The following SS18 variants were observed in gnomAD, a reference collection of about 807,000 sequenced individuals.
The protein encoded by SS18 is SS18 subunit of BAF chromatin remodeling complex.
Under a neutral mutation model 72.5 loss-of-function variants are expected in SS18, and 28 were observed. The ratio of observed to expected loss-of-function variants is 0.39; its 90% CI spans 0.29 to 0.53. The LOEUF (loss-of-function observed/expected upper bound fraction) is 0.53. SS18 is among the 20% of genes least tolerant of loss of function. SS18 has a pLI of 0.76. For missense variants in SS18, 518 were observed against 535.3 expected (o/e 0.97, Z 0.32); for synonymous variants, 172 against 164.2 (o/e 1.05, Z -0.37).
intron 5 of SS18, among the ~76,000 whole-genome samples, chr18:26,040,651 A>C (rs2053707083): frequency 6.6e-6 from 1 of 152,240 alleles, no homozygotes; most frequent in African/African-American, 2.4e-5. Flanking sequence ...CAATGATGTA[A>C]GCAGAAAGAC....
intron 3 of SS18, among the ~76,000 whole-genome samples, chr18:26,061,147 A>T (rs956452665): frequency 2.6e-5 from 4 of 152,256 alleles, no homozygotes; most frequent in Admixed American, 1.3e-4. Flanking sequence ...CCCTGTCTCT[A>T]CTAAAAATAC....
At chr18:26,082,114 A>T (rs1215972514) in intron 2 of SS18, among the ~76,000 whole-genome samples, 1 of 152,144 alleles carries the variant, frequency 6.6e-6, no homozygotes, top group Non-Finnish European at 1.5e-5. Flanking sequence ...AAAGGAGTAT[A>T]TAAGCTAAGG....
At chr18:26,049,013 C>T (rs1169852809) in intron 5 of SS18, among the ~76,000 whole-genome samples, 2 of 152,192 alleles carry the variant, frequency 1.3e-5, no homozygotes, top group African/African-American at 4.8e-5. Flanking sequence ...AAAGGTCCCA[C>T]ATACAGTAAG....
At chr18:26,029,847 G>A (rs1030722001) in intron 10 of SS18, among the ~76,000 whole-genome samples, 4 of 152,112 alleles carry the variant, frequency 2.6e-5, no homozygotes, top group African/African-American at 9.7e-5. Flanking sequence ...AGGTCTTTGG[G>A]TGGGGGCTAA....
chr18:26,044,536 T>C (rs1468101299), intron 5 of SS18, among the ~76,000 whole-genome samples: 1 of 151,566 alleles, frequency 6.6e-6, no homozygotes, highest in African/African-American at 2.4e-5. Flanking sequence ...GTTGGCCAGG[T>C]TGGTCTCAAA....
At chr18:26,039,168 C>CAAAAAA (rs34318951) in intron 6 of SS18, 121 bp downstream of exon 6, 8 of 251,654 alleles carry the variant, frequency 3.2e-5, no homozygotes, top group Admixed American at 6.5e-5. Flanking sequence ...TACCTTTTGT[C>CAAAAAA]AAAAAAAAAA....
intron 5 of SS18, among the ~76,000 whole-genome samples, chr18:26,041,569 A>T (rs552520672): frequency 1.3e-5 from 2 of 152,324 alleles, no homozygotes; most frequent in East Asian, 3.9e-4. Context: ...AAACACTAAC[A>T]TTCATAATTT....
At chr18:26,082,642 T>A in intron 2 of SS18, 1 of 394,546 alleles carries the variant, frequency 2.5e-6, no homozygotes, top group Non-Finnish European at 3.5e-6. Context: ...TACCAGAATT[T>A]AAAGGAAGAT....
chr18:26,050,834 G>A (rs867684382), intron 5 of SS18, among the ~76,000 whole-genome samples: 1 of 151,964 alleles, frequency 6.6e-6, no homozygotes, highest in African/African-American at 2.4e-5. Flanking sequence ...GTGTGAACCC[G>A]GGAGGCGGAG....
rs771583477 is a variant in SS18 at position 26,057,678 on chromosome 18, G to A, written c.296C>T (p.Pro99Leu). 3 of 1,614,048 alleles carry A rather than the reference G, an allele frequency of 1.9e-6. No individual in the cohort carries two copies. The Admixed American group carries it at 5.0e-5, about 27-fold the overall frequency. Residue 99 changes from proline (P) to leucine (L), a missense_variant, in exon 4 of 11, where the codon CCA becomes CTA. By Grantham distance (98) the Pro-to-Leu change is moderately conservative (BLOSUM62 -3). Transcript: ENST00000415083. ...GMNQSGPPPP[P>L]RSHNMPSDGM... Reference sequence around the variant, plus strand: ...ATCTGAAGGCATGTTGTGAGAGCGTGGAGGTGGGGGAGGGCCGCTCTGATT... The same window carrying A: ...ATCTGAAGGCATGTTGTGAGAGCGTAGAGGTGGGGGAGGGCCGCTCTGATT...
At chr18:26,024,021 A>C (rs912296120) in intron 10 of SS18, among the ~76,000 whole-genome samples, 2 of 152,174 alleles carry the variant, frequency 1.3e-5, no homozygotes, top group Admixed American at 6.5e-5. Flanking sequence ...ACTTGAAGAC[A>C]CTGATACACG....
chr18:26,054,130 T>C (rs533193927), intron 4 of SS18, among the ~76,000 whole-genome samples: 1 of 152,286 alleles, frequency 6.6e-6, no homozygotes, highest in African/African-American at 2.4e-5. Flanking sequence ...GTAAATGCTA[T>C]GTACATAGTC....
chr18:26,073,122 G>T (rs1005782121), intron 3 of SS18, among the ~76,000 whole-genome samples: 7 of 151,672 alleles, frequency 4.6e-5, no homozygotes, highest in South Asian at 2.1e-4. Context: ...GAATTCCAAA[G>T]AACTCAAATC....
rs146064849 is a variant in SS18, at chr18:26,056,150, A to G, written c.385+1439T>C. ...GATAATAACTAGCTTATAAAAGAAT[A>G]TACTTCAGAAGGCCTTACACAAAAC... On this transcript the variant is annotated intron_variant, in intron 4 of 10. Coordinates refer to ENST00000415083, the MANE Select transcript of SS18 (RefSeq NM_001007559.3). Among the ~76,000 whole-genome samples the G allele has an allele frequency of 2.6e-3, 403 of 152,340 alleles. 3 individuals are homozygous for G. Among genetic ancestry groups the G allele is most frequent in the African/African-American group, 9.1e-3 (380 of 41,566 alleles).
chr18:26,030,285 T>G (rs376646433), intron 10 of SS18, among the ~76,000 whole-genome samples: 63 of 152,356 alleles, frequency 4.1e-4, no homozygotes, highest in African/African-American at 1.5e-3. Context: ...CCTTTGTGAA[T>G]GCTCTTCTTT....
chr18:26,024,945 AAT>A (rs1450266167), intron 10 of SS18, among the ~76,000 whole-genome samples: 1 of 876 alleles, frequency 1.1e-3, no homozygotes, highest in East Asian at 0.019. Flanking sequence ...TATAAAAACA[AAT>A]ATGTTAAAGG....
chr18:26,086,926 T>C (rs1056032818), intron 2 of SS18, among the ~76,000 whole-genome samples: 9 of 152,182 alleles, frequency 5.9e-5, no homozygotes, highest in Admixed American at 3.3e-4. Flanking sequence ...CAAAGAAAGT[T>C]TTCTTTTATA....
rs1348042773 is a variant in SS18, at chr18:26,038,603, C to T, written c.832G>A (p.Gly278Ser). The T allele has an allele frequency of 1.9e-6, 3 of 1,613,432 alleles. No homozygotes were observed. Among genetic ancestry groups the T allele is most frequent in the African/African-American group, 2.7e-5 (2 of 74,892 alleles). ...EDYYGDQYSH[G>S]GQGPPEGMNQ... is the part of the protein sequence containing the mutation. Reference sequence around the variant, plus strand: ...ATGCCTTCTGGAGGACCTTGTCCACCATGACTGTATTGGTCCCCGTAATAG... The same window carrying T: ...ATGCCTTCTGGAGGACCTTGTCCACTATGACTGTATTGGTCCCCGTAATAG... Residue 278 changes from glycine (G) to serine (S), a missense_variant, in exon 7 of 11, where the codon GGT becomes AGT. Gly to Ser is a moderately conservative substitution (Grantham distance 56). Coordinates refer to ENST00000415083, the MANE Select transcript of SS18 (RefSeq NM_001007559.3).
chr18:26,030,615 T>G (rs537866275), intron 10 of SS18, among the ~76,000 whole-genome samples: 1 of 152,184 alleles, frequency 6.6e-6, no homozygotes, highest in Non-Finnish European at 1.5e-5. Context: ...TTTAGGAGAT[T>G]TGGAAATATA....
Sources: allele counts gnomAD v4.1 joint callset (sites outside exome capture counted in the v4.1 genomes callset), GRCh38; gene constraint gnomAD v4.1.1; transcripts MANE v1.5; gene names NCBI Gene and HGNC (gene_info 2026-07-23, HGNC 2026-07-21).